The following FAM222A variants were observed in gnomAD, a reference collection of about 807,000 sequenced individuals.
FAM222A encodes protein FAM222A.
A neutral mutation model predicts 25.8 loss-of-function variants in FAM222A; 7 were observed. The observed-to-expected ratio is 0.27, with a 90% confidence interval of 0.15 to 0.51. The LOEUF is 0.51. Among genes scored for constraint, FAM222A ranks in the 20% least tolerant of loss-of-function variants. FAM222A has a pLI of 0.97. For synonymous variants in FAM222A, 294 were observed against 298.8 expected (o/e 0.98, Z 0.17); for missense variants, 573 against 640.5 (o/e 0.89, Z 1.14).
chr12:109,767,354 C>T (rs1307403286), intron 2 of FAM222A, among the ~76,000 whole-genome samples: 1 of 152,034 alleles, frequency 6.6e-6, no homozygotes, highest in Non-Finnish European at 1.5e-5. Context: ...GTGGCGCAAC[C>T]CCGTCTCTGC....
chr12:109,764,091 G>A (rs188243131), intron 2 of FAM222A, among the ~76,000 whole-genome samples: 1 of 152,114 alleles, frequency 6.6e-6, no homozygotes, highest in Non-Finnish European at 1.5e-5. Context: ...TTAGCCAGGT[G>A]TAGTGGCACA....
chr12:109,748,869 T>C (rs912941603), intron 2 of FAM222A, among the ~76,000 whole-genome samples: 1 of 152,220 alleles, frequency 6.6e-6, no homozygotes, highest in African/African-American at 2.4e-5. Context: ...ATTTGTGCTT[T>C]TATCTTTATT....
chr12:109,751,786 T>G (rs1888565180), intron 2 of FAM222A, among the ~76,000 whole-genome samples: 1 of 152,242 alleles, frequency 6.6e-6, no homozygotes, highest in South Asian at 2.1e-4. Context: ...CCCCTCACTT[T>G]TGGAAAGTGT....
intron 1 of FAM222A, chr12:109,720,278 C>T (rs1357730990): frequency 8.0e-6 from 6 of 745,900 alleles, no homozygotes; most frequent in Non-Finnish European, 6.5e-6. Context: ...TGTGAACAGG[C>T]TCCCGGGGAT....
chr12:109,713,858 C>T lies in FAM222A; in HGVS notation c.-1086C>T, dbSNP rs925202007. Among the ~76,000 whole-genome samples, 7 of 149,814 alleles carry T rather than the reference C, an allele frequency of 4.7e-5. No individual in the cohort carries two copies. The highest frequency in any genetic ancestry group is 7.4e-5 in the Non-Finnish European group (5 of 67,184). On this transcript the variant is annotated 5_prime_UTR_variant, in exon 1 of 3. Coordinates refer to ENST00000538780, the MANE Select transcript of FAM222A (RefSeq NM_032829.3). ...CAGAGCGGAGCAGCGGGCAGGACTG[C>T]CTGGCCGGCTGCTCCGCGGAGAGGC...
chr12:109,764,082 T>A (rs1436139934), intron 2 of FAM222A, among the ~76,000 whole-genome samples: 1 of 151,774 alleles, frequency 6.6e-6, no homozygotes, highest in African/African-American at 2.4e-5. Flanking sequence ...ATACAAAAAT[T>A]AGCCAGGTGT....
In FAM222A at chr12:109,768,285, C is replaced by T. The variant is rs190109616; in HGVS notation, c.356C>T (p.Ala119Val). 5.9e-4 allele frequency: 955 copies of T among 1,606,366 alleles called. 9 individuals are homozygous for T. In the East Asian group the frequency reaches 0.017, roughly 29 times the overall value. Residue 119 changes from alanine (A) to valine (V), a missense_variant, in exon 3 of 3, where the codon GCT (alanine) becomes GTT (valine). This residue lies in a region of FAM222A where 412 missense variants were observed against 407.0 expected (regional missense o/e 1.01). Transcript: ENST00000538780. Reference protein sequence around the residue: ...AVSSSSTAAPAGPAKSVLKSA... With the variant: ...AVSSSSTAAPVGPAKSVLKSA... ...TCCTCCTCCAGCACGGCCGCACCAG[C>T]TGGGCCCGCCAAAAGTGTGCTCAAG... is the stretch of plus-strand genomic sequence containing the variant.
intron 1 of FAM222A, among the ~76,000 whole-genome samples, chr12:109,719,375 A>G (rs1887707209): frequency 6.6e-6 from 1 of 152,174 alleles, no homozygotes; most frequent in African/African-American, 2.4e-5. Context: ...GCGGGGTTCC[A>G]GCTTCCCACT....
rs780490812 is a variant in FAM222A, at chr12:109,769,153, A to C, written c.1224A>C (p.Ser408=). 3.1e-6 allele frequency: 5 copies of C among 1,612,446 alleles called. No individual in the cohort carries two copies. The African/African-American group carries it at 6.7e-5, about 22-fold the overall frequency. The change falls in exon 3 of 3, where the codon TCA becomes TCC. Residue 408 remains serine (S), a synonymous_variant. Coordinates refer to ENST00000538780, the MANE Select transcript of FAM222A (RefSeq NM_032829.3). The part of the protein sequence containing the change: ...NTSVLSSSLQ[S]LEYLINDIRP... ...CGGTGCTGAGCAGCAGCCTGCAGTCACTGGAGTATCTCATCAACGACATCC... is the reference window on the plus strand; with the variant it reads ...CGGTGCTGAGCAGCAGCCTGCAGTCCCTGGAGTATCTCATCAACGACATCC...
intron 1 of FAM222A, among the ~76,000 whole-genome samples, chr12:109,730,445 T>A (rs2136324793): frequency 6.6e-6 from 1 of 151,820 alleles, no homozygotes; most frequent in East Asian, 1.9e-4. Flanking sequence ...ATTCATTTAG[T>A]GCCACAAGGC....
At chr12:109,730,641 G>A (rs761017393) in intron 1 of FAM222A, among the ~76,000 whole-genome samples, 4 of 152,162 alleles carry the variant, frequency 2.6e-5, no homozygotes, top group African/African-American at 4.8e-5. Flanking sequence ...TTGGGGTTGC[G>A]TGGGCGTGTG....
At chr12:109,727,390 C>A (rs1887863223) in intron 1 of FAM222A, among the ~76,000 whole-genome samples, 1 of 152,160 alleles carries the variant, frequency 6.6e-6, no homozygotes, top group Non-Finnish European at 1.5e-5. Flanking sequence ...AGAGGTTTGG[C>A]CGACACCTCC....
At chr12:109,745,667 GGTTTT>G (rs1225074120) in intron 2 of FAM222A, among the ~76,000 whole-genome samples, 1 of 152,080 alleles carries the variant, frequency 6.6e-6, no homozygotes, top group Non-Finnish European at 1.5e-5. Flanking sequence ...ATGTGGGTTT[GGTTTT>G]GTTTTGTTTT....
chr12:109,739,686 C>T (rs1258059613), intron 1 of FAM222A, among the ~76,000 whole-genome samples: 5 of 152,338 alleles, frequency 3.3e-5, no homozygotes, highest in Middle Eastern at 6.8e-3. Context: ...TGCTTCCATC[C>T]CTCCCTGCCC....
chr12:109,737,057 C>T (rs140511351), intron 1 of FAM222A, among the ~76,000 whole-genome samples: 324 of 152,240 alleles, frequency 2.1e-3, no homozygotes, highest in Non-Finnish European at 2.2e-3. Flanking sequence ...AGTCATTTGA[C>T]GATTCATCAA....
chr12:109,743,959 A>G, intron 1 of FAM222A, 142 bp from the exon 2 acceptor site: 1 of 1,406,070 alleles, frequency 7.1e-7, no homozygotes. Flanking sequence ...TGGTCCCCTC[A>G]TTGGTCGAAT....
chr12:109,759,038 CT>C (rs1383173118), intron 2 of FAM222A, among the ~76,000 whole-genome samples: 2 of 152,210 alleles, frequency 1.3e-5, no homozygotes, highest in African/African-American at 4.8e-5. Context: ...GTCCAGAAAG[CT>C]GAAGTCCACC....
chr12:109,744,502 C>A, intron 2 of FAM222A: 1 of 985,334 alleles, frequency 1.0e-6, no homozygotes, highest in Non-Finnish European at 1.2e-6. Flanking sequence ...ATGCCCCAAC[C>A]CCGCCTCTGC....
At chr12:109,758,467 G>T (rs1888796746) in intron 2 of FAM222A, among the ~76,000 whole-genome samples, 1 of 152,186 alleles carries the variant, frequency 6.6e-6, no homozygotes, top group South Asian at 2.1e-4. Context: ...ACTGGGATGT[G>T]TGGATTCACA....
Sources: allele counts gnomAD v4.1 joint callset (sites outside exome capture counted in the v4.1 genomes callset), GRCh38; gene constraint gnomAD v4.1.1; regional missense constraint gnomAD v4.1.1; transcripts MANE v1.5; gene names NCBI Gene and HGNC (gene_info 2026-07-23, HGNC 2026-07-21).